PRKCA: variants seen among roughly 807,000 people sequenced by gnomAD.
PRKCA encodes the protein protein kinase C alpha type.
PRKCA carries 27 observed loss-of-function variants against 87.0 expected under a neutral mutation model. The observed-to-expected ratio is 0.31, with a 90% CI of 0.23 to 0.43. PRKCA has a LOEUF of 0.43. Among genes scored for constraint, PRKCA ranks in the 20% least tolerant of loss-of-function variants. PRKCA has a pLI of 1.00. For missense variants in PRKCA, 518 were observed against 852.3 expected, an observed-to-expected ratio of 0.61 and a Z score of 4.88; for synonymous variants, 329 against 311.1, an observed-to-expected ratio of 1.06 and a Z score of -0.61.
chr17:66,466,575 A>G (rs994683080), intron 2 of PRKCA, among the ~76,000 whole-genome samples: 2 of 152,204 alleles, frequency 1.3e-5, no homozygotes, highest in Non-Finnish European at 2.9e-5. Context: ...ACCATTTAAC[A>G]TAATTTGGCC....
At chr17:66,549,628 A>G (rs1968264741) in intron 3 of PRKCA, among the ~76,000 whole-genome samples, 1 of 152,158 alleles carries the variant, frequency 6.6e-6, no homozygotes, top group South Asian at 2.1e-4. Context: ...TGTGAATTCC[A>G]TTTGGACCTC....
chr17:66,377,431 C>T (rs1431129640), intron 2 of PRKCA, among the ~76,000 whole-genome samples: 2 of 151,440 alleles, frequency 1.3e-5, no homozygotes, highest in African/African-American at 4.9e-5. Context: ...TGGGGCTGAG[C>T]TAATGCAGAG....
At chr17:66,524,283 CT>C (rs1967268838) in intron 3 of PRKCA, among the ~76,000 whole-genome samples, 2 of 152,190 alleles carry the variant, frequency 1.3e-5, no homozygotes, top group African/African-American at 4.8e-5. Flanking sequence ...TAATTTGTTG[CT>C]TGCGATTCAG....
chr17:66,460,635 C>G (rs780347395), intron 2 of PRKCA, among the ~76,000 whole-genome samples: 1 of 152,274 alleles, frequency 6.6e-6, no homozygotes, highest in East Asian at 1.9e-4. Flanking sequence ...AGTTGGAGAA[C>G]CAGCTGAATT....
intron 2 of PRKCA, among the ~76,000 whole-genome samples, chr17:66,387,661 T>C (rs1910136495): frequency 6.6e-6 from 1 of 152,356 alleles, no homozygotes; most frequent in South Asian, 2.1e-4. Flanking sequence ...AATCATCCTC[T>C]GTGTGTCCCT....
At chr17:66,729,140 G>A (rs753697603) in intron 8 of PRKCA, among the ~76,000 whole-genome samples, 7 of 152,198 alleles carry the variant, frequency 4.6e-5, no homozygotes, top group South Asian at 2.1e-4. Flanking sequence ...AATTGGGTGC[G>A]GTGGCTCACA....
At chr17:66,777,216 G>C in intron 14 of PRKCA, 2 of 985,400 alleles carry the variant, frequency 2.0e-6, no homozygotes, top group Non-Finnish European at 2.4e-6. Flanking sequence ...GACCATGAAC[G>C]TCATCTCCAG....
intron 2 of PRKCA, among the ~76,000 whole-genome samples, chr17:66,310,605 T>C (rs1211335622): frequency 1.3e-5 from 2 of 152,208 alleles, no homozygotes; most frequent in African/African-American, 4.8e-5. Flanking sequence ...GGTATTTGCA[T>C]TGGCTCATCT....
At chr17:66,331,465 A>G (rs1198175944) in intron 2 of PRKCA, among the ~76,000 whole-genome samples, 2 of 152,288 alleles carry the variant, frequency 1.3e-5, no homozygotes, top group Non-Finnish European at 2.9e-5. Flanking sequence ...ATTAATCTGC[A>G]GATCTCAGTG....
At chr17:66,625,376 A>T (rs983602093) in intron 3 of PRKCA, among the ~76,000 whole-genome samples, 3 of 152,202 alleles carry the variant, frequency 2.0e-5, no homozygotes, top group African/African-American at 4.8e-5. Flanking sequence ...CAATGACAAC[A>T]GGGTTCCTCT....
At chr17:66,794,184 G>C (rs1361148135) in intron 16 of PRKCA, among the ~76,000 whole-genome samples, 1 of 152,198 alleles carries the variant, frequency 6.6e-6, no homozygotes, top group African/African-American at 2.4e-5. Context: ...ATTGGAAATA[G>C]ACCTTTCACA....
chr17:66,565,793 G>A (rs189201607), intron 3 of PRKCA, among the ~76,000 whole-genome samples: 108 of 152,064 alleles, frequency 7.1e-4, no homozygotes, highest in Admixed American at 5.1e-3. Flanking sequence ...GAAACACTTG[G>A]AACCTGTTTA....
intron 2 of PRKCA, among the ~76,000 whole-genome samples, chr17:66,360,796 G>C (rs1007124389): frequency 3.0e-4 from 46 of 152,298 alleles, no homozygotes; most frequent in African/African-American, 1.1e-3. Context: ...TTGAACCAAG[G>C]GTTCAGAAAC....
intron 2 of PRKCA, among the ~76,000 whole-genome samples, chr17:66,313,002 G>C (rs1358895193): frequency 2.6e-5 from 4 of 152,226 alleles, no homozygotes; most frequent in South Asian, 2.1e-4. Flanking sequence ...GCATCCCAAA[G>C]TGCTGGGATT....
At chr17:66,502,442 C>T (rs1916777184) in intron 3 of PRKCA, among the ~76,000 whole-genome samples, 1 of 152,016 alleles carries the variant, frequency 6.6e-6, no homozygotes, top group Non-Finnish European at 1.5e-5. Context: ...ACCGTGTTGG[C>T]CAGGCTGGTC....
chr17:66,738,834 A>G lies in PRKCA; in HGVS notation c.1301A>G (p.Lys434Arg). Residue 434 changes from lysine (K) to arginine (R), a missense_variant, in exon 11 of 17, where the codon AAA becomes AGA. Lys to Arg is a conservative substitution (Grantham distance 26). This residue lies in a region of PRKCA where 300 missense variants were observed against 496.8 expected (regional missense o/e 0.60). Transcript: ENST00000413366. The stretch of plus-strand genomic sequence containing the variant: ...ATGTACCACATTCAGCAAGTAGGAA[A>G]ATTTAAGGAACCACAAGCAGTGTGA... ...DLMYHIQQVG[K>R]FKEPQAVFYA... 2.5e-6 allele frequency: 4 copies of G among 1,613,422 alleles called. No individual in the cohort carries two copies. The highest frequency in any genetic ancestry group is 3.4e-6 in the Non-Finnish European group (4 of 1,179,504).
chr17:66,791,696 G>C (rs1380710459), intron 16 of PRKCA, among the ~76,000 whole-genome samples: 1 of 152,238 alleles, frequency 6.6e-6, no homozygotes, highest in African/African-American at 2.4e-5. Context: ...CTGTTCAGTG[G>C]TGACACGCTG....
At chr17:66,566,331 G>A (rs922366901) in intron 3 of PRKCA, among the ~76,000 whole-genome samples, 2 of 152,196 alleles carry the variant, frequency 1.3e-5, no homozygotes, top group African/African-American at 4.8e-5. Context: ...GAAGTGGAAA[G>A]AAGATGGATG....
intron 2 of PRKCA, among the ~76,000 whole-genome samples, chr17:66,356,958 C>T (rs1359492607): frequency 6.6e-6 from 1 of 152,090 alleles, no homozygotes; most frequent in African/African-American, 2.4e-5. Flanking sequence ...GGAGTTTTGC[C>T]ATGTTGCCCA....
Sources: gnomAD v4.1 joint callset for allele counts (sites outside exome capture counted in the v4.1 genomes callset) on GRCh38, gnomAD v4.1.1 for gene constraint, gnomAD v4.1.1 regional missense constraint, MANE v1.5 for transcripts, NCBI Gene and HGNC (gene_info 2026-07-23, HGNC 2026-07-21) for gene names.